STK32C: variants seen among roughly 807,000 people sequenced by gnomAD.
STK32C encodes serine/threonine kinase 32C.
STK32C carries 31 observed loss-of-function variants against 56.5 expected under a neutral mutation model. The ratio of observed to expected loss-of-function variants is 0.55; its 90% CI spans 0.41 to 0.74. The LOEUF (loss-of-function observed/expected upper bound fraction) is 0.74, where lower values mean the gene tolerates loss of function less well. Ranked by LOEUF, STK32C falls within the 30% of genes least tolerant of loss-of-function variation. The pLI, the probability that STK32C is intolerant of heterozygous loss-of-function variation, is 0.00. For missense variants in STK32C, 544 were observed against 676.9 expected, an observed-to-expected ratio of 0.80 and a Z score of 2.18; for synonymous variants, 309 against 289.4, an observed-to-expected ratio of 1.07 and a Z score of -0.69.
At chr10:132,250,336 C>T (rs954678794) in intron 1 of STK32C, among the ~76,000 whole-genome samples, 2 of 129,014 alleles carry the variant, frequency 1.6e-5, no homozygotes, top group African/African-American at 3.1e-5. Context: ...GTGTGTGAGG[C>T]GCACGGGACA....
Position 132,209,059 on chromosome 10 carries a change from C to A in STK32C, c.1294G>T (p.Asp432Tyr). The change falls in exon 11 of 12, where the codon GAC (aspartate) becomes TAC (tyrosine). Residue 432 changes from aspartate to tyrosine, a missense_variant. This residue lies in a region of STK32C where 277 missense variants were observed against 309.3 expected (regional missense o/e 0.90). Coordinates refer to ENST00000298630, the MANE Select transcript of STK32C (RefSeq NM_173575.4). ...LQDCLDAIQQDFVIFNREKLK... is the reference protein window; with the variant it reads ...LQDCLDAIQQYFVIFNREKLK... ...TTTTCTCTGTTAAAAATCACGAAGT[C>A]TTGCTGGATGGCATCGAGGCAGTCT... 6.2e-7 allele frequency: 1 copy of A among 1,611,486 alleles called. No homozygotes were observed. Among genetic ancestry groups the A allele is most frequent in the East Asian group, 2.2e-5 (1 of 44,748 alleles).
At chr10:132,328,762 A>G (rs1298946900) in intron 1 of STK32C, among the ~76,000 whole-genome samples, 1 of 152,242 alleles carries the variant, frequency 6.6e-6, no homozygotes. Context: ...TTTCACTTCC[A>G]TGAAAGGAAT....
intron 1 of STK32C, among the ~76,000 whole-genome samples, chr10:132,263,018 C>T (rs1235267865): frequency 1.3e-5 from 2 of 152,198 alleles, no homozygotes. Flanking sequence ...TTAGTTCAGC[C>T]ACTGTGGAAA....
chr10:132,319,197 C>G (rs1201797262), downstream of STK32C, among the ~76,000 whole-genome samples: 3 of 152,222 alleles, frequency 2.0e-5, no homozygotes, highest in Non-Finnish European at 1.5e-5. Flanking sequence ...GATCCGCCCA[C>G]CTCGGCCTCC....
chr10:132,307,354 G>C lies in STK32C; in HGVS notation c.262+218C>G. On this transcript the variant is annotated intron_variant, in intron 1 of 11. Coordinates refer to ENST00000298630, the MANE Select transcript of STK32C (RefSeq NM_173575.4). This position sits in a 1 kb window ranked among gnomAD's most constrained non-coding sequence, Gnocchi z 4.4. ...CGCCCCGAGGGCCCGGGCCCAGCCT[G>C]CTCCTCCTGCGGCGCCGCCACTAGA... 1 of 439,244 alleles carries C rather than the reference G, an allele frequency of 2.3e-6. No individual in the cohort carries two copies. The highest frequency in any genetic ancestry group is 3.5e-5 in the South Asian group (1 of 28,688). The allele number at this position is 439,244 out of a possible 1,614,324, so 27.2% of individuals were successfully genotyped here.
intron 10 of STK32C, among the ~76,000 whole-genome samples, chr10:132,213,636 GA>G (rs1565062251): frequency 6.6e-6 from 1 of 152,124 alleles, no homozygotes; most frequent in South Asian, 2.1e-4. Flanking sequence ...AGGTCTTAAG[GA>G]AAAAAATAGA....
intron 1 of STK32C, among the ~76,000 whole-genome samples, chr10:132,257,521 G>A (rs2064164434): frequency 6.6e-6 from 1 of 152,062 alleles, no homozygotes; most frequent in African/African-American, 2.4e-5. Context: ...CAGCCAAAGA[G>A]ATGGGCGGGG....
At chr10:132,251,143 A>G (rs2137984823) in intron 1 of STK32C, among the ~76,000 whole-genome samples, 1 of 152,254 alleles carries the variant, frequency 6.6e-6, no homozygotes, top group African/African-American at 2.4e-5. Context: ...GGGGTCTAGG[A>G]GCCACCATGT....
chr10:132,229,059 A>AG (rs538544491), intron 2 of STK32C, among the ~76,000 whole-genome samples: 4 of 152,236 alleles, frequency 2.6e-5, no homozygotes, highest in South Asian at 2.1e-4. Flanking sequence ...ATCAATGAGC[A>AG]GGGGGGTCCC....
intron 1 of STK32C, among the ~76,000 whole-genome samples, chr10:132,284,578 C>T (rs879845436): frequency 1.3e-5 from 2 of 152,142 alleles, no homozygotes; most frequent in South Asian, 2.1e-4. Flanking sequence ...TCCCCTCAGA[C>T]GAACAGAGCT....
chr10:132,274,154 A>G (rs1442516367), intron 1 of STK32C, among the ~76,000 whole-genome samples: 1 of 152,168 alleles, frequency 6.6e-6, no homozygotes, highest in Non-Finnish European at 1.5e-5. Flanking sequence ...ATTGCTCAGG[A>G]CGGGACCAGA....
intron 1 of STK32C, among the ~76,000 whole-genome samples, chr10:132,325,554 A>G (rs1436715984): frequency 1.4e-5 from 2 of 146,820 alleles, no homozygotes; most frequent in Admixed American, 6.8e-5. Flanking sequence ...GTCCGTCTTA[A>G]AAAAAAAAAA....
intron 1 of STK32C, among the ~76,000 whole-genome samples, chr10:132,324,902 C>T (rs2066467632): frequency 6.6e-6 from 1 of 152,162 alleles, no homozygotes; most frequent in African/African-American, 2.4e-5. Context: ...GGAGAGTGAC[C>T]TTACAGGTCA....
Position 132,212,400 on chromosome 10 carries a change from C to T in STK32C, c.1252-3299G>A, listed in dbSNP as rs529506783. Among the ~76,000 whole-genome samples, 16 of 152,324 alleles carry T rather than the reference C, an allele frequency of 1.1e-4. No homozygotes were observed. The South Asian group carries it at 3.3e-3, about 32-fold the overall frequency. ...AGAATGAAGCTGGACCCTCACCTGA[C>T]ATTGTTCATAAAAATTAACCCAAAA... On this transcript the variant is annotated intron_variant, in intron 10 of 11. Coordinates refer to ENST00000298630, the MANE Select transcript of STK32C (RefSeq NM_173575.4).
intron 1 of STK32C, among the ~76,000 whole-genome samples, chr10:132,294,924 G>C (rs941079487): frequency 6.6e-6 from 1 of 152,252 alleles, no homozygotes; most frequent in East Asian, 1.9e-4. Context: ...TGTATGACAC[G>C]GGTAAATCAT....
chr10:132,268,743 CTGTGTATGCA>C, intron 1 of STK32C, among the ~76,000 whole-genome samples: 1 of 100,982 alleles, frequency 9.9e-6, no homozygotes, highest in Non-Finnish European at 2.0e-5. Flanking sequence ...GTGTGCATGC[CTGTGTATGCA>C]GGTTCAGCTC....
intron 1 of STK32C, among the ~76,000 whole-genome samples, chr10:132,329,581 C>T (rs1234787093): frequency 6.6e-6 from 1 of 152,086 alleles, no homozygotes; most frequent in East Asian, 1.9e-4. Context: ...TTTAAAAACT[C>T]AACAGATTAA....
intron 1 of STK32C, among the ~76,000 whole-genome samples, chr10:132,326,578 G>A (rs7076338): frequency 2.3e-4 from 35 of 152,108 alleles, no homozygotes; most frequent in African/African-American, 8.2e-4. Flanking sequence ...CTGCCTTGGC[G>A]TCCCCAAGTG....
At position 132,294,374 on chromosome 10, in the gene STK32C, G is replaced by A. The variant is rs754211972; in HGVS notation, c.262+13198C>T. Reference sequence around the variant, plus strand: ...AGGGGCCCGCCCCAAGGCATCTTTGGGGCAGGTGGGGCAGATTCCAGCTCC... The same window carrying A: ...AGGGGCCCGCCCCAAGGCATCTTTGAGGCAGGTGGGGCAGATTCCAGCTCC... On this transcript the variant is annotated intron_variant, in intron 1 of 11. Transcript: ENST00000298630. Among the ~76,000 whole-genome samples, 38 of 152,220 alleles carry A rather than the reference G, an allele frequency of 2.5e-4. 1 individual carries two copies. The highest frequency in any genetic ancestry group is 3.4e-4 in the African/African-American group (14 of 41,450).
Sources: gnomAD v4.1 joint callset for allele counts (sites outside exome capture counted in the v4.1 genomes callset) on GRCh38, gnomAD v4.1.1 for gene constraint, gnomAD v4.1.1 regional missense constraint, Gnocchi (gnomAD v3.1) non-coding constraint, MANE v1.5 for transcripts, NCBI Gene and HGNC (gene_info 2026-07-23, HGNC 2026-07-21) for gene names.